The following NRXN1 variants were observed in gnomAD, a reference collection of about 807,000 sequenced individuals.
NRXN1 encodes neurexin-1.
A neutral mutation model predicts 150.9 loss-of-function variants in NRXN1; 39 were observed. The ratio of observed to expected loss-of-function variants is 0.26; its 90% CI spans 0.20 to 0.34. The LOEUF (loss-of-function observed/expected upper bound fraction) is 0.34, where lower values mean the gene tolerates loss of function less well. NRXN1 is among the 10% of genes least tolerant of loss of function. The pLI is 1.00. For missense variants in NRXN1, 1,815 were observed against 1,949.9 expected, an observed-to-expected ratio of 0.93 and a Z score of 1.30; for synonymous variants, 924 against 757.0, an observed-to-expected ratio of 1.22 and a Z score of -3.62.
chr2:50,131,888 A>G (rs1345820881), intron 18 of NRXN1, among the ~76,000 whole-genome samples: 1 of 132,842 alleles, frequency 7.5e-6, no homozygotes, highest in Non-Finnish European at 1.6e-5. Flanking sequence ...AGGTAAAGAA[A>G]CAAGTACACT....
chr2:50,917,975 T>G (rs1283934947), intron 5 of NRXN1: 1 of 151,684 alleles, frequency 6.6e-6, no homozygotes, highest in East Asian at 1.9e-4. Flanking sequence ...AGATAAAAAT[T>G]TAAAGCACAT....
chr2:50,508,677 G>A (rs1048222258), intron 12 of NRXN1, among the ~76,000 whole-genome samples: 2 of 151,768 alleles, frequency 1.3e-5, no homozygotes, highest in African/African-American at 2.4e-5. Flanking sequence ...TGATATCATC[G>A]TTATACCCCA....
intron 5 of NRXN1, among the ~76,000 whole-genome samples, chr2:50,852,655 T>A (rs1674689018): frequency 6.6e-6 from 1 of 152,166 alleles, no homozygotes; most frequent in Non-Finnish European, 1.5e-5. Flanking sequence ...CAAATTTAAT[T>A]TCTCATTCAT....
At chr2:50,689,904 G>C (rs190084090) in intron 5 of NRXN1, among the ~76,000 whole-genome samples, 1 of 143,944 alleles carries the variant, frequency 6.9e-6, no homozygotes, top group Non-Finnish European at 1.5e-5. Context: ...GTGTGTGTTT[G>C]AGACGGAGTC....
chr2:50,376,058 C>G (rs1452582255), intron 17 of NRXN1, among the ~76,000 whole-genome samples: 1 of 151,808 alleles, frequency 6.6e-6, no homozygotes, highest in Non-Finnish European at 1.5e-5. Flanking sequence ...CACACACACA[C>G]ACACACACAC....
In NRXN1 at chr2:50,148,879, C is replaced by T. The variant is rs562636164; in HGVS notation, c.3547-57385G>A. Among the ~76,000 whole-genome samples, 75 of 151,816 alleles carry T rather than the reference C, an allele frequency of 4.9e-4. 1 individual carries two copies. In the South Asian group the frequency reaches 0.015, roughly 29 times the overall value. On this transcript the variant is annotated intron_variant, in intron 18 of 22. Transcript: ENST00000401669. ...ATCCTAGGTCTGCAGAGTACACTGA[C>T]CCAGAGAAAGACCACTGACAACATC... is the stretch of plus-strand genomic sequence containing the variant.
chr2:50,276,149 G>A (rs1451580406), intron 17 of NRXN1, among the ~76,000 whole-genome samples: 1 of 151,970 alleles, frequency 6.6e-6, no homozygotes, highest in Non-Finnish European at 1.5e-5. Flanking sequence ...AACAAAAAAA[G>A]GCTTCTTGAT....
At chr2:50,450,276 C>T (rs942164435) in intron 17 of NRXN1, among the ~76,000 whole-genome samples, 1 of 152,116 alleles carries the variant, frequency 6.6e-6, no homozygotes, top group Non-Finnish European at 1.5e-5. Context: ...CCTTTCCTCT[C>T]TTCTGAATGC....
intron 8 of NRXN1, among the ~76,000 whole-genome samples, chr2:50,610,864 C>G (rs1448306978): frequency 6.7e-6 from 1 of 148,752 alleles, no homozygotes; most frequent in East Asian, 2.0e-4. Context: ...ACGATTTCGG[C>G]TCACTGCAAC....
chr2:50,760,192 C>G (rs940876745), intron 5 of NRXN1, among the ~76,000 whole-genome samples: 1 of 151,890 alleles, frequency 6.6e-6, no homozygotes. Flanking sequence ...CCACTGGGAG[C>G]TTGGAAAACG....
At chr2:50,191,771 T>C (rs2061459933) in intron 18 of NRXN1, among the ~76,000 whole-genome samples, 1 of 152,202 alleles carries the variant, frequency 6.6e-6, no homozygotes, top group South Asian at 2.1e-4. Flanking sequence ...TTATTCCTTT[T>C]TATTGTTGCA....
At chr2:50,803,478 A>C (rs1707889834) in intron 5 of NRXN1, among the ~76,000 whole-genome samples, 1 of 152,192 alleles carries the variant, frequency 6.6e-6, no homozygotes, top group Non-Finnish European at 1.5e-5. Context: ...TCAATCATTT[A>C]AGCAGTAGAG....
At chr2:50,485,262 C>G (rs960431019) in intron 15 of NRXN1, among the ~76,000 whole-genome samples, 3 of 152,152 alleles carry the variant, frequency 2.0e-5, no homozygotes, top group African/African-American at 7.2e-5. Context: ...CAAAATTTAT[C>G]AAGGAACAGG....
At chr2:50,281,616 G>A (rs891506950) in intron 17 of NRXN1, among the ~76,000 whole-genome samples, 3 of 152,022 alleles carry the variant, frequency 2.0e-5, no homozygotes, top group Admixed American at 1.3e-4. Flanking sequence ...CCTGGTCCCT[G>A]CACTAAGGAA....
chr2:49,981,983 T>C (rs1244608063), intron 21 of NRXN1, among the ~76,000 whole-genome samples: 1 of 152,138 alleles, frequency 6.6e-6, no homozygotes. Flanking sequence ...TGAAAATCTA[T>C]ATGTATAACA....
intron 5 of NRXN1, among the ~76,000 whole-genome samples, chr2:50,827,192 G>A (rs1398765229): frequency 1.3e-5 from 2 of 152,198 alleles, no homozygotes; most frequent in Non-Finnish European, 2.9e-5. Context: ...AGAAACTGTT[G>A]AGGTCGATGC....
chr2:50,639,660 C>A (rs1274192577), intron 5 of NRXN1, among the ~76,000 whole-genome samples: 2 of 151,970 alleles, frequency 1.3e-5, no homozygotes, highest in Non-Finnish European at 2.9e-5. Flanking sequence ...GATCCCTATC[C>A]TAGATACCTA....
At chr2:50,951,131 T>C (rs1299377587) in intron 2 of NRXN1, among the ~76,000 whole-genome samples, 1 of 152,138 alleles carries the variant, frequency 6.6e-6, no homozygotes, top group Admixed American at 6.5e-5. Context: ...AACAATGTAT[T>C]AGAAAGAATA....
At chr2:50,119,136 A>G (rs1472888727) in intron 18 of NRXN1, among the ~76,000 whole-genome samples, 4 of 152,208 alleles carry the variant, frequency 2.6e-5, no homozygotes, top group African/African-American at 9.6e-5. Flanking sequence ...GAAAATTAAC[A>G]TACGGGAATT....
Sources: allele counts gnomAD v4.1 joint callset (sites outside exome capture counted in the v4.1 genomes callset), GRCh38; gene constraint gnomAD v4.1.1; transcripts MANE v1.5; gene names NCBI Gene and HGNC (gene_info 2026-07-23, HGNC 2026-07-21).